The following STAU2 variants were observed in gnomAD, a reference collection of about 807,000 sequenced individuals.
STAU2 encodes double-stranded RNA-binding protein Staufen homolog 2.
Under a neutral mutation model 65.9 loss-of-function variants are expected in STAU2, and 20 were observed. The observed-to-expected ratio is 0.30, with a 90% CI of 0.21 to 0.44. The LOEUF is 0.44. Among genes scored for constraint, STAU2 ranks in the 20% least tolerant of loss-of-function variants. The pLI is 1.00. For synonymous variants in STAU2, 232 were observed against 233.9 expected, an observed-to-expected ratio of 0.99 and a Z score of 0.07; for missense variants, 558 against 683.9, an observed-to-expected ratio of 0.82 and a Z score of 2.05.
chr8:73,472,213 G>A (rs10108733), intron 13 of STAU2, among the ~76,000 whole-genome samples: 63,258 of 151,978 alleles, frequency 0.42, 13,430 homozygotes, highest in Non-Finnish European at 0.46. Flanking sequence ...TTTAAAATAA[G>A]GCTTCATGAA....
intron 13 of STAU2, among the ~76,000 whole-genome samples, chr8:73,523,615 C>T (rs1218136649): frequency 6.6e-6 from 1 of 152,162 alleles, no homozygotes; most frequent in Admixed American, 6.5e-5. Flanking sequence ...CCTGCAACCA[C>T]TCATCTGTTT....
At chr8:73,610,237 T>C (rs1398021517) in intron 9 of STAU2, among the ~76,000 whole-genome samples, 4 of 150,722 alleles carry the variant, frequency 2.7e-5, no homozygotes, top group East Asian at 3.9e-4. Flanking sequence ...GATCCTACCA[T>C]TGCACTCCAG....
intron 5 of STAU2, among the ~76,000 whole-genome samples, chr8:73,684,438 T>C (rs192538992): frequency 8.5e-4 from 130 of 152,272 alleles, no homozygotes; most frequent in African/African-American, 2.9e-3. Flanking sequence ...TCCTCATCTC[T>C]CACTTGATAT....
intron 13 of STAU2, among the ~76,000 whole-genome samples, chr8:73,545,929 G>A (rs1806887518): frequency 6.6e-6 from 1 of 151,846 alleles, no homozygotes; most frequent in African/African-American, 2.4e-5. Flanking sequence ...TTACAGGCAT[G>A]AGCCACCACA....
intron 9 of STAU2, among the ~76,000 whole-genome samples, chr8:73,609,396 G>A (rs1380575071): frequency 1.3e-5 from 2 of 152,060 alleles, no homozygotes; most frequent in Non-Finnish European, 2.9e-5. Flanking sequence ...GCTCATGTCT[G>A]TAATTCCAGC....
intron 4 of STAU2, among the ~76,000 whole-genome samples, chr8:73,689,065 A>C (rs1400147860): frequency 6.6e-6 from 1 of 152,204 alleles, no homozygotes; most frequent in African/African-American, 2.4e-5. Context: ...TAAATCAAGA[A>C]GCAATCTTTC....
At chr8:73,673,791 GC>G (rs996354596) in intron 5 of STAU2, among the ~76,000 whole-genome samples, 3 of 151,854 alleles carry the variant, frequency 2.0e-5, no homozygotes, top group Admixed American at 1.3e-4. Flanking sequence ...TATATTCCTA[GC>G]AAATATTAAA....
At chr8:73,557,399 T>A (rs2128946973) in intron 12 of STAU2, among the ~76,000 whole-genome samples, 1 of 152,344 alleles carries the variant, frequency 6.6e-6, no homozygotes, top group East Asian at 1.9e-4. Flanking sequence ...GGGTGTTAAT[T>A]CACTTAGGAT....
rs767288569 is a variant in STAU2, at chr8:73,421,451, A to C, written c.1634T>G (p.Leu545Arg). The C allele has an allele frequency of 6.5e-6, 10 of 1,537,152 alleles. No homozygotes were observed. Among genetic ancestry groups the C allele is most frequent in the Non-Finnish European group, 8.7e-6 (10 of 1,146,908 alleles). The stretch of plus-strand genomic sequence containing the variant: ...CTGGTTATTGTCCGCTTTCTCTCTC[A>C]GATGCTTGGCTTGTCTGAAAGATTA... ...KGSLEKQAKH[L>R]REKADNNQAP... Residue 545 changes from leucine (L) to arginine (R), a missense_variant, in exon 15 of 15, where the codon CTG (leucine) becomes CGG (arginine). Coordinates refer to ENST00000524300, the MANE Select transcript of STAU2 (RefSeq NM_001164380.2).
intron 12 of STAU2, among the ~76,000 whole-genome samples, chr8:73,575,380 TACACTGATGGTAGAGACGTAA>T (rs1250823535): frequency 6.6e-6 from 1 of 152,184 alleles, no homozygotes; most frequent in African/African-American, 2.4e-5. Flanking sequence ...GGAAATCTCC[TACACTGATGGTAGAGACGTAA>T]ACTGCTGTCT....
Position 73,501,611 on chromosome 8 carries a change from T to C in STAU2, c.1530+50401A>G, listed in dbSNP as rs929011490. Among the ~76,000 whole-genome samples, 4 of 152,070 alleles carry C rather than the reference T, an allele frequency of 2.6e-5. No individual in the cohort carries two copies. In the East Asian group the frequency reaches 7.8e-4, roughly 30 times the overall value. The stretch of plus-strand genomic sequence containing the variant: ...CTTAGGTCAGAGTTTCCTGAGCATA[T>C]TCTACTATGATGTTAATATGTTTTC... On this transcript the variant is annotated intron_variant, in intron 13 of 14. Transcript: ENST00000524300.
chr8:73,696,808 G>A (rs76295571), intron 4 of STAU2, among the ~76,000 whole-genome samples: 5,259 of 152,178 alleles, frequency 0.035, 265 homozygotes, highest in African/African-American at 0.11. Flanking sequence ...AGAGATAACA[G>A]TAGAAAGTTT....
At chr8:73,493,061 G>T (rs565557555) in intron 13 of STAU2, among the ~76,000 whole-genome samples, 1 of 151,862 alleles carries the variant, frequency 6.6e-6, no homozygotes, top group African/African-American at 2.4e-5. Flanking sequence ...ATCCATTTAT[G>T]TCAGAATAAC....
chr8:73,578,937 C>T lies in STAU2; in HGVS notation c.1222+3833G>A, dbSNP rs192530237. On this transcript the variant is annotated intron_variant, in intron 12 of 14. Coordinates refer to ENST00000524300, the MANE Select transcript of STAU2 (RefSeq NM_001164380.2). ...AAGAAAGTATATATTAATCTGTCAC[C>T]TTAAAAGTCCAACACTTATATACCT... is the stretch of plus-strand genomic sequence containing the variant. 8.3e-4 allele frequency among the ~76,000 whole-genome samples: 126 copies of T among 152,200 alleles called. 1 individual carries two copies. The highest frequency in any genetic ancestry group is 2.9e-3 in the African/African-American group (120 of 41,536).
intron 10 of STAU2, among the ~76,000 whole-genome samples, chr8:73,596,515 T>C (rs1811198678): frequency 6.6e-6 from 1 of 152,218 alleles, no homozygotes; most frequent in African/African-American, 2.4e-5. Flanking sequence ...CACAGTGGTC[T>C]CAGTAAGTGA....
intron 13 of STAU2, among the ~76,000 whole-genome samples, chr8:73,472,029 T>C (rs1820063504): frequency 6.6e-6 from 1 of 152,096 alleles, no homozygotes; most frequent in Admixed American, 6.5e-5. Flanking sequence ...ATGCTAACAC[T>C]ATTAACAAAA....
chr8:73,646,938 G>GACACACACAC lies in STAU2; in HGVS notation c.410+26159_410+26168dup, dbSNP rs142043134. Among the ~76,000 whole-genome samples, 1,439 of 144,048 alleles carry GACACACACAC rather than the reference G, an allele frequency of 1.0e-2. 23 individuals carry two copies. Among genetic ancestry groups the GACACACACAC allele is most frequent in the Middle Eastern group, 0.024 (7 of 288 alleles). The allele number at this position is 144,048 out of a possible 152,430, so 94.5% of individuals were successfully genotyped here. On this transcript the variant is annotated intron_variant, in intron 6 of 14. Transcript: ENST00000524300. ...ATATTTCACCAAAGACACACAGCCA[G>GACACACACAC]ACACACACACACACACACACACACA...
At chr8:73,470,651 T>TTA (rs1563611483) in intron 13 of STAU2, among the ~76,000 whole-genome samples, 3 of 151,672 alleles carry the variant, frequency 2.0e-5, no homozygotes, top group Non-Finnish European at 2.9e-5. Flanking sequence ...AATTTTTTTT[T>TTA]AAATTAGCTG....
chr8:73,747,123 G>C (rs1168648447), upstream of STAU2, among the ~76,000 whole-genome samples: 2 of 151,862 alleles, frequency 1.3e-5, no homozygotes, highest in African/African-American at 4.8e-5. Context: ...GCAGCTGCAG[G>C]CTCTGCGGGG....
Sources: allele counts gnomAD v4.1 joint callset (sites outside exome capture counted in the v4.1 genomes callset), GRCh38; gene constraint gnomAD v4.1.1; transcripts MANE v1.5; gene names NCBI Gene and HGNC (gene_info 2026-07-23, HGNC 2026-07-21).